The following TREH variants were observed in gnomAD, a reference collection of about 807,000 sequenced individuals.
The protein encoded by TREH is alpha,alpha-trehalose glucohydrolase.
In TREH, 69 loss-of-function variants were observed where a neutral mutation model predicts 80.5. That is an observed-to-expected ratio of 0.86 (90% CI 0.71 to 1.05). TREH has a LOEUF of 1.05. TREH is among the 50% of genes least tolerant of loss of function. The pLI is 0.00. For missense variants in TREH, 716 were observed against 718.8 expected (o/e 1.00, Z 0.04); for synonymous variants, 309 against 293.5 (o/e 1.05, Z -0.54).
At chr11:118,676,573 G>GC (rs58398579) in intron 1 of TREH, among the ~76,000 whole-genome samples, 152,125 of 152,128 alleles carry the variant, frequency 1, 76,061 homozygotes, top group Non-Finnish European at 1. Context: ...TTTAAGACCA[G>GC]CTGGCCAACA....
intron 1 of TREH, among the ~76,000 whole-genome samples, chr11:118,669,634 G>C (rs1949412367): frequency 1.3e-5 from 2 of 152,164 alleles, no homozygotes; most frequent in South Asian, 4.1e-4. Flanking sequence ...ATTTGTGGGA[G>C]CTTAAAATTA....
chr11:118,666,316 A>C (rs930102645), intron 1 of TREH, among the ~76,000 whole-genome samples: 9 of 152,208 alleles, frequency 5.9e-5, no homozygotes, highest in Non-Finnish European at 1.2e-4. Context: ...GGGTTATACA[A>C]TGAGGGGAAT....
At chr11:118,675,153 T>C (rs1555146691) in intron 1 of TREH, among the ~76,000 whole-genome samples, 2 of 152,208 alleles carry the variant, frequency 1.3e-5, no homozygotes, top group Non-Finnish European at 2.9e-5. Flanking sequence ...CTTCACACCA[T>C]GGGTGACCCT....
Position 118,658,720 on chromosome 11 carries a change from T to C in TREH, c.1559A>G (p.Asn520Ser), listed in dbSNP as rs1949259128. Reference protein sequence around the residue: ...SAMYEKYDVSNGGQPGGGGEY... With the variant: ...SAMYEKYDVSSGGQPGGGGEY... ...TCCTCCCCCACCGGGCTGTCCACCG[T>C]TGCTGACGTCATACTGGGGACAAGC... is the stretch of plus-strand genomic sequence containing the variant. The change falls in exon 14 of 15, where the codon AAC becomes AGC. Residue 520 changes from asparagine (N) to serine (S), a missense_variant. Asn to Ser is a conservative substitution (Grantham distance 46). Transcript: ENST00000264029. The C allele has an allele frequency of 6.2e-7, 1 of 1,605,734 alleles. No homozygotes were observed. The highest frequency in any genetic ancestry group is 1.3e-5 in the African/African-American group (1 of 74,710).
At chr11:118,665,442 T>A (rs1021404434) in intron 1 of TREH, among the ~76,000 whole-genome samples, 12 of 151,722 alleles carry the variant, frequency 7.9e-5, no homozygotes, top group Admixed American at 2.6e-4. Context: ...GAACGAGACC[T>A]TCCTGGCTAA....
chr11:118,670,785 CT>C (rs1555146198), intron 1 of TREH, among the ~76,000 whole-genome samples: 2 of 152,164 alleles, frequency 1.3e-5, no homozygotes. Flanking sequence ...CAGGAGTGGT[CT>C]TGGCAAAATA....
intron 1 of TREH, among the ~76,000 whole-genome samples, chr11:118,675,821 C>A (rs7928805): frequency 0.011 from 1,711 of 152,166 alleles, 43 homozygotes; most frequent in African/African-American, 0.039. Context: ...CACGTCTTAG[C>A]CTCCTCAATA....
Position 118,658,035 on chromosome 11 carries a change from G to T in TREH, c.*254C>A. ...AAGCCTTTGGACTACGGAAGTGAGTGGAAGGCCGGTGTGGGGCTTGGCGCT... is the reference window on the plus strand; with the variant it reads ...AAGCCTTTGGACTACGGAAGTGAGTTGAAGGCCGGTGTGGGGCTTGGCGCT... On this transcript the variant is annotated 3_prime_UTR_variant, in exon 15 of 15. Coordinates refer to ENST00000264029, the MANE Select transcript of TREH (RefSeq NM_007180.3). The T allele has an allele frequency of 1.9e-6, 1 of 539,700 alleles. No homozygotes were observed. The highest frequency in any genetic ancestry group is 3.3e-6 in the Non-Finnish European group (1 of 303,736). The allele number at this position is 539,700 out of a possible 1,614,324, so 33.4% of individuals were successfully genotyped here.
In TREH at chr11:118,664,531, G is replaced by A. The variant is rs183334557; in HGVS notation, c.90-1092C>T. 7.4e-4 allele frequency among the ~76,000 whole-genome samples: 112 copies of A among 152,298 alleles called. 1 individual carries two copies. Among genetic ancestry groups the A allele is most frequent in the African/African-American group, 1.8e-3 (76 of 41,548 alleles). On this transcript the variant is annotated intron_variant, in intron 1 of 14. Coordinates refer to ENST00000264029, the MANE Select transcript of TREH (RefSeq NM_007180.3). ...TTAAAGTAGCTTTGCATATCAGGTCGTAGATGCAAATGTGCAAAATACTAC... is the reference window on the plus strand; with the variant it reads ...TTAAAGTAGCTTTGCATATCAGGTCATAGATGCAAATGTGCAAAATACTAC...
rs782533738 is a variant in TREH, at chr11:118,661,249, G to A, written c.768C>T (p.Asp256=). 1.2e-6 allele frequency: 2 copies of A among 1,613,958 alleles called. No homozygotes were observed. Among genetic ancestry groups the A allele is most frequent in the Admixed American group, 3.3e-5 (2 of 60,024 alleles). The change falls in exon 8 of 15, where the codon GAC becomes GAT. Residue 256 remains aspartate, a synonymous_variant. Coordinates refer to ENST00000264029, the MANE Select transcript of TREH (RefSeq NM_007180.3). This position sits in a 1 kb window ranked among gnomAD's most constrained non-coding sequence, Gnocchi z 4.2. ...AGACAGTCCTGTTCTTGGTCCAAAA[G>A]TCCAATTCCAAGGCTAGTGTTTCAA... ...ENIETLALEL[D]FWTKNRTVSV... is the part of the protein sequence containing the mutation.
chr11:118,659,992 C>T lies in TREH; in HGVS notation c.1103-28G>A, dbSNP rs569212674. ...GGGGCAGTGCTGCCTTTAGAGCCAG[C>T]AGCCAGTGCCCTGCCTGCTGCCCCA... On this transcript the variant is annotated intron_variant, in intron 10 of 14. Transcript: ENST00000264029. 17 of 1,544,430 alleles carry T rather than the reference C, an allele frequency of 1.1e-5. No individual in the cohort carries two copies. The South Asian group carries it at 1.9e-4, about 17-fold the overall frequency.
chr11:118,663,404 A>G lies in TREH; in HGVS notation c.125T>C (p.Val42Ala), dbSNP rs200713103. The change falls in exon 2 of 15, where the codon GTT becomes GCT. Residue 42 changes from valine (V) to alanine (A), a missense_variant. Val to Ala is a moderately conservative substitution (Grantham distance 64, BLOSUM62 0). Transcript: ENST00000264029. The stretch of plus-strand genomic sequence containing the variant: ...ATCCTGGTAGAGCTTGGCCATTTGA[A>G]CTTGGTTTAGGAGCTCCCCGTGGCA... ...IYCHGELLNQ[V>A]QMAKLYQDDK... is the part of the protein sequence containing the mutation. 1.4e-4 allele frequency: 217 copies of G among 1,595,058 alleles called. No individual in the cohort carries two copies. Among genetic ancestry groups the G allele is most frequent in the Non-Finnish European group, 1.7e-4 (200 of 1,170,824 alleles).
intron 1 of TREH, among the ~76,000 whole-genome samples, chr11:118,678,408 G>A (rs1162223954): frequency 7.2e-5 from 11 of 152,034 alleles, no homozygotes; most frequent in Non-Finnish European, 1.0e-4. Flanking sequence ...TTGTTGCCCC[G>A]ACTGGAGTGC....
At position 118,661,520 on chromosome 11, in the gene TREH, G is replaced by C. The variant is rs782489333; in HGVS notation, c.618-11C>G. On this transcript the variant is annotated splice_polypyrimidine_tract_variant and intron_variant, in intron 6 of 14. Transcript: ENST00000264029. The surrounding 1 kb of genome is among the most constrained non-coding windows in gnomAD (Gnocchi z 4.2). ...GGGACATGCCCATAGCTGCCAAGGGGAAGGCCTGCTGAGATGCCCTCTCCC... is the reference window on the plus strand; with the variant it reads ...GGGACATGCCCATAGCTGCCAAGGGCAAGGCCTGCTGAGATGCCCTCTCCC... The C allele has an allele frequency of 1.2e-6, 2 of 1,613,162 alleles. No homozygotes were observed. Among genetic ancestry groups the C allele is most frequent in the Non-Finnish European group, 1.7e-6 (2 of 1,179,486 alleles).
intron 11 of TREH, 63 bp downstream of exon 11, chr11:118,659,684 G>T (rs1452604165): frequency 1.3e-5 from 20 of 1,535,068 alleles, no homozygotes; most frequent in Non-Finnish European, 1.8e-5. Context: ...TGCAGGTCCT[G>T]TTCAGGGTCG....
At chr11:118,663,902 G>A (rs1309826626) in intron 1 of TREH, among the ~76,000 whole-genome samples, 1 of 152,138 alleles carries the variant, frequency 6.6e-6, no homozygotes, top group Non-Finnish European at 1.5e-5. Flanking sequence ...ACAATTACTA[G>A]CTGGCTCTTG....
chr11:118,659,927 C>T lies in TREH; in HGVS notation c.1140G>A (p.Arg380=), dbSNP rs782476767. 8.4e-6 allele frequency: 13 copies of T among 1,551,610 alleles called. No individual in the cohort carries two copies. Among genetic ancestry groups the T allele is most frequent in the Non-Finnish European group, 1.1e-5 (13 of 1,147,026 alleles). The change falls in exon 11 of 15, where the codon CGG becomes CGA. Residue 380 remains arginine (R), a synonymous_variant. Transcript: ENST00000264029. ...TGTTCAGGGCGGCCAAGCGCTGCGA[C>T]CGCAGGATTCTGTACTTCGTGGCCT... ...DSQATKYRIL[R]SQRLAALNTV...
intron 3 of TREH, 42 bp from the exon 4 acceptor site, chr11:118,663,010 A>G (rs1949341837): frequency 6.2e-7 from 1 of 1,610,598 alleles, no homozygotes; most frequent in African/African-American, 1.3e-5. Context: ...GAGGCAGCTC[A>G]GTTGGAAGGA....
At position 118,661,600 on chromosome 11, in the gene TREH, C is replaced by T. The variant is rs1555144992; in HGVS notation, c.617+37G>A. 1 of 1,613,656 alleles carries T rather than the reference C, an allele frequency of 6.2e-7. No individual in the cohort carries two copies. Among genetic ancestry groups the T allele is most frequent in the Non-Finnish European group, 8.5e-7 (1 of 1,179,700 alleles). On this transcript the variant is annotated intron_variant, in intron 6 of 14. Transcript: ENST00000264029. This position sits in a 1 kb window ranked among gnomAD's most constrained non-coding sequence, Gnocchi z 4.2. ...CATGCCCGTGGCACACCTGCCTCTC[C>T]TCCCCACCTAGGCTGGAGGTGCCTG...
Sources: gnomAD v4.1 joint callset for allele counts (sites outside exome capture counted in the v4.1 genomes callset) on GRCh38, gnomAD v4.1.1 for gene constraint, Gnocchi (gnomAD v3.1) non-coding constraint, MANE v1.5 for transcripts, NCBI Gene and HGNC (gene_info 2026-07-23, HGNC 2026-07-21) for gene names.